Variants in INPP4B observed in about 807,000 individuals in gnomAD.
The protein encoded by INPP4B is inositol polyphosphate 4-phosphatase type II.
In INPP4B, 55 loss-of-function variants were observed where a neutral mutation model predicts 122.5. The ratio of observed to expected loss-of-function variants is 0.45; its 90% confidence interval spans 0.36 to 0.56. INPP4B has a LOEUF of 0.56. Ranked by LOEUF, INPP4B falls within the 20% of genes least tolerant of loss-of-function variation. The pLI is 0.00. For synonymous variants in INPP4B, 403 were observed against 388.7 expected, an observed-to-expected ratio of 1.04 and a Z score of -0.43; for missense variants, 1,000 against 1,097.7, an observed-to-expected ratio of 0.91 and a Z score of 1.26.
chr4:142,689,244 A>G (rs1256782700), intron 2 of INPP4B, among the ~76,000 whole-genome samples: 4 of 152,146 alleles, frequency 2.6e-5, no homozygotes, highest in Non-Finnish European at 5.9e-5. Flanking sequence ...ATCCAGAATG[A>G]TGTCGAATGA....
chr4:142,729,336 C>T (rs1164878250), intron 1 of INPP4B, among the ~76,000 whole-genome samples: 1 of 152,156 alleles, frequency 6.6e-6, no homozygotes, highest in Non-Finnish European at 1.5e-5. Flanking sequence ...GAAATCAGAA[C>T]ACCCAGCTGC....
chr4:142,458,205 A>G (rs957890131), intron 3 of INPP4B, among the ~76,000 whole-genome samples: 8 of 152,194 alleles, frequency 5.3e-5, no homozygotes, highest in Non-Finnish European at 1.0e-4. Context: ...TGTACTGTAT[A>G]ATTCTATTTT....
chr4:142,780,889 C>T (rs1774703841), intron 1 of INPP4B, among the ~76,000 whole-genome samples: 1 of 152,094 alleles, frequency 6.6e-6, no homozygotes, highest in African/African-American at 2.4e-5. Context: ...ATAAAGGTGT[C>T]AGAAGCTATG....
chr4:142,059,884 TACA>T (rs1156440281), intron 25 of INPP4B, among the ~76,000 whole-genome samples: 1 of 152,200 alleles, frequency 6.6e-6, no homozygotes, highest in African/African-American at 2.4e-5. Context: ...TCTGGGTAAC[TACA>T]ACTATTTACT....
intron 1 of INPP4B, among the ~76,000 whole-genome samples, chr4:142,797,364 G>A (rs1777395126): frequency 6.6e-6 from 1 of 151,688 alleles, no homozygotes; most frequent in African/African-American, 2.4e-5. Context: ...TAATAAGATT[G>A]CAAAAAAAGC....
intron 11 of INPP4B, among the ~76,000 whole-genome samples, chr4:142,245,127 G>A (rs1019422967): frequency 2.0e-5 from 3 of 152,066 alleles, no homozygotes; most frequent in African/African-American, 4.8e-5. Context: ...TTAGCCCTTT[G>A]TCAGATGAAT....
chr4:142,722,626 TTTTC>T (rs1440353060), intron 2 of INPP4B, among the ~76,000 whole-genome samples: 1 of 152,154 alleles, frequency 6.6e-6, no homozygotes, highest in East Asian at 1.9e-4. Flanking sequence ...TCATGTAAAT[TTTTC>T]TTTAATAATT....
intron 1 of INPP4B, among the ~76,000 whole-genome samples, chr4:142,790,362 A>G (rs1358098691): frequency 6.6e-6 from 1 of 152,098 alleles, no homozygotes. Context: ...TCAAAAAATT[A>G]GCAAGAAAAA....
intron 23 of INPP4B, among the ~76,000 whole-genome samples, chr4:142,091,275 A>G (rs1245093399): frequency 6.6e-6 from 1 of 152,178 alleles, no homozygotes; most frequent in Non-Finnish European, 1.5e-5. Flanking sequence ...ATTCCAGGAA[A>G]GTGATTTCTA....
chr4:142,706,422 G>T (rs1762479381), intron 2 of INPP4B, among the ~76,000 whole-genome samples: 1 of 152,194 alleles, frequency 6.6e-6, no homozygotes, highest in East Asian at 1.9e-4. Flanking sequence ...CAGTCAATAA[G>T]TTCGGTTGCT....
intron 25 of INPP4B, among the ~76,000 whole-genome samples, chr4:142,045,187 G>A (rs1750643044): frequency 1.3e-5 from 2 of 152,064 alleles, no homozygotes; most frequent in African/African-American, 2.4e-5. Context: ...AAATGTTAAT[G>A]CAGTGTATAC....
chr4:142,405,340 G>T lies in INPP4B; in HGVS notation c.137-16C>A, dbSNP rs1474120118. On this transcript the variant is annotated splice_polypyrimidine_tract_variant and intron_variant, in intron 5 of 25. Transcript: ENST00000262992. The stretch of plus-strand genomic sequence containing the variant: ...TCCTTGCATGCTGGCAACGGCAGAG[G>T]AGACAGAAAGAAAAGAAACTAACAC... The T allele has an allele frequency of 6.8e-6, 10 of 1,463,796 alleles. No homozygotes were observed. The highest frequency in any genetic ancestry group is 9.6e-6 in the Non-Finnish European group (10 of 1,044,508). 90.7% of individuals were successfully genotyped at this position (1,463,796 alleles called of 1,614,324 possible).
chr4:142,497,967 G>A (rs1477463265), intron 2 of INPP4B, among the ~76,000 whole-genome samples: 1 of 152,002 alleles, frequency 6.6e-6, no homozygotes, highest in Non-Finnish European at 1.5e-5. Context: ...AATGAGAAAG[G>A]TATTTGTGAA....
At chr4:142,782,700 T>C (rs1036425240) in intron 1 of INPP4B, among the ~76,000 whole-genome samples, 3 of 152,158 alleles carry the variant, frequency 2.0e-5, no homozygotes, top group Admixed American at 6.5e-5. Context: ...TGATATCTCA[T>C]TGTGGTTTTG....
chr4:142,802,968 G>A (rs1166912109), intron 1 of INPP4B, among the ~76,000 whole-genome samples: 3 of 151,634 alleles, frequency 2.0e-5, no homozygotes, highest in East Asian at 1.9e-4. Context: ...TCAGGAGTTC[G>A]AGACCAGCCT....
chr4:142,184,397 C>T (rs545522272), intron 15 of INPP4B, among the ~76,000 whole-genome samples: 38 of 152,238 alleles, frequency 2.5e-4, no homozygotes, highest in African/African-American at 8.4e-4. Flanking sequence ...GTTTTCAAAG[C>T]CTATAAGACA....
At chr4:142,213,585 T>C (rs1422616155) in intron 12 of INPP4B, among the ~76,000 whole-genome samples, 2 of 152,178 alleles carry the variant, frequency 1.3e-5, no homozygotes, top group Non-Finnish European at 2.9e-5. Flanking sequence ...ATTTTATGTC[T>C]GATAGGCGTG....
At chr4:142,451,577 C>T (rs999159566) in intron 3 of INPP4B, among the ~76,000 whole-genome samples, 1 of 152,144 alleles carries the variant, frequency 6.6e-6, no homozygotes, top group African/African-American at 2.4e-5. Context: ...TGATTGGATA[C>T]ATCCAGTTCT....
intron 2 of INPP4B, among the ~76,000 whole-genome samples, chr4:142,489,795 A>G (rs1449332543): frequency 6.6e-6 from 1 of 152,122 alleles, no homozygotes; most frequent in East Asian, 1.9e-4. Context: ...TGGTTGTGCC[A>G]ATTTTTAAGC....
Sources: gnomAD v4.1 joint callset for allele counts (sites outside exome capture counted in the v4.1 genomes callset) on GRCh38, gnomAD v4.1.1 for gene constraint, MANE v1.5 for transcripts, NCBI Gene and HGNC (gene_info 2026-07-23, HGNC 2026-07-21) for gene names.